The following CDS1 variants were observed in gnomAD, a reference collection of about 807,000 sequenced individuals.
The protein encoded by CDS1 is CDP-diacylglycerol synthase 1.
In CDS1, 41 loss-of-function variants were observed where a neutral mutation model predicts 62.1. That is an observed-to-expected ratio of 0.66 (90% CI 0.51 to 0.86). CDS1 has a LOEUF of 0.86. Among genes scored for constraint, CDS1 ranks in the 40% least tolerant of loss-of-function variants. The pLI is 0.00. For missense variants in CDS1, 470 were observed against 550.1 expected, an observed-to-expected ratio of 0.85 and a Z score of 1.46; for synonymous variants, 185 against 192.6, an observed-to-expected ratio of 0.96 and a Z score of 0.32.
rs753889500 is a variant in CDS1 at position 84,612,654 on chromosome 4, A to T, written c.342+3129A>T. On this transcript the variant is annotated intron_variant, in intron 3 of 12. Transcript: ENST00000295887. ...GGAAAATATGATCTTATTACTAGTT[A>T]TTTGCTTCAATTGGTGAGTTTAATT... Among the ~76,000 whole-genome samples the T allele has an allele frequency of 2.6e-4, 40 of 152,046 alleles. 1 individual carries two copies. Among genetic ancestry groups the T allele is most frequent in the Non-Finnish European group, 2.5e-4 (17 of 68,010 alleles).
At position 84,604,297 on chromosome 4, in the gene CDS1, A is replaced by G. The variant is rs1388235642; in HGVS notation, c.172A>G (p.Ile58Val). Reference sequence around the variant, plus strand: ...TTTGGATTCCAGAACAGATTCTGATATTCCGGAAATTCCACCATCCTCAGA... The same window carrying G: ...TTTGGATTCCAGAACAGATTCTGATGTTCCGGAAATTCCACCATCCTCAGA... ...GDLDSRTDSD[I>V]PEIPPSSDRT... is the part of the protein sequence containing the mutation. The change falls in exon 2 of 13, where the codon ATT (isoleucine) becomes GTT (valine). Residue 58 changes from isoleucine to valine, a missense_variant. Physicochemically the swap from Ile to Val is conservative, Grantham distance 29. Transcript: ENST00000295887. 1.9e-6 allele frequency: 3 copies of G among 1,606,402 alleles called. No individual in the cohort carries two copies. Among genetic ancestry groups the G allele is most frequent in the South Asian group, 2.2e-5 (2 of 90,908 alleles).
chr4:84,645,832 G>A (rs1724541633), intron 12 of CDS1, among the ~76,000 whole-genome samples: 2 of 152,224 alleles, frequency 1.3e-5, no homozygotes, highest in South Asian at 4.1e-4. Context: ...AATAAATATA[G>A]TTTGTTAGAT....
At chr4:84,601,971 A>T (rs916765089) in intron 1 of CDS1, among the ~76,000 whole-genome samples, 2 of 152,178 alleles carry the variant, frequency 1.3e-5, no homozygotes, top group Non-Finnish European at 2.9e-5. Context: ...ACGTACATAC[A>T]TACCTTCATT....
chr4:84,645,672 TC>T (rs1724535360), intron 12 of CDS1, among the ~76,000 whole-genome samples: 1 of 152,146 alleles, frequency 6.6e-6, no homozygotes, highest in African/African-American at 2.4e-5. Context: ...ACGAAATGCA[TC>T]CAGTCTACCA....
chr4:84,626,453 C>T (rs983583414), intron 5 of CDS1, among the ~76,000 whole-genome samples: 2 of 152,096 alleles, frequency 1.3e-5, no homozygotes, highest in Admixed American at 6.6e-5. Flanking sequence ...CACAAATGTA[C>T]TTTTTGTTTG....
intron 5 of CDS1, among the ~76,000 whole-genome samples, chr4:84,628,716 A>G (rs925503832): frequency 1.3e-5 from 2 of 152,154 alleles, no homozygotes; most frequent in African/African-American, 4.8e-5. Flanking sequence ...CTTTTATTTC[A>G]TAGAGACAGG....
Position 84,631,877 on chromosome 4 carries a change from GGTGT to G in CDS1, c.639+3_639+6del. On this transcript the variant is annotated splice_donor_variant and splice_donor_region_variant and intron_variant, in intron 6 of 12. Transcript: ENST00000295887. LOFTEE classifies it high-confidence loss of function. ...AACATTATCGTCTGCAGTTTTATAT[GGTGT>G]GTATTAACTATTATTCCTTAGTCAT... The G allele has an allele frequency of 6.3e-7, 1 of 1,598,374 alleles. No individual in the cohort carries two copies. Among genetic ancestry groups the G allele is most frequent in the Non-Finnish European group, 8.6e-7 (1 of 1,166,134 alleles).
Position 84,636,324 on chromosome 4 carries a change from TGAAAG to T in CDS1, c.810+975_810+979del, listed in dbSNP as rs1347620168. 3.3e-5 allele frequency among the ~76,000 whole-genome samples: 5 copies of T among 152,122 alleles called. No individual in the cohort carries two copies. In the East Asian group the frequency reaches 7.7e-4, roughly 24 times the overall value. ...AATACTAATAAAATACAAGTAATAA[TGAAAG>T]GGAAAGGAAAATACACATGAGTAGA... On this transcript the variant is annotated intron_variant, in intron 8 of 12. Coordinates refer to ENST00000295887, the MANE Select transcript of CDS1 (RefSeq NM_001263.4).
rs1724673273 is a variant in CDS1, at chr4:84,649,676, T to G, written c.*990T>G. 6.6e-6 allele frequency: 1 copy of G among 152,214 alleles called. No individual in the cohort carries two copies. The highest frequency in any genetic ancestry group is 1.5e-5 in the Non-Finnish European group (1 of 68,066). The allele number at this position is 152,214 out of a possible 1,614,324, so 9.4% of individuals were successfully genotyped here. On this transcript the variant is annotated 3_prime_UTR_variant, in exon 13 of 13. Transcript: ENST00000295887. ...CACTCCTGGCTTCTAGTGCAGCCCT[T>G]TGTAGACTCACCTCGCAAGAAGGAA...
At chr4:84,620,474 A>T (rs912924119) in intron 5 of CDS1, among the ~76,000 whole-genome samples, 1 of 151,854 alleles carries the variant, frequency 6.6e-6, no homozygotes, top group East Asian at 2.0e-4. Flanking sequence ...CGCCTGCCTC[A>T]GCCTCCCAAA....
At chr4:84,623,434 G>A (rs1012008034) in intron 5 of CDS1, among the ~76,000 whole-genome samples, 6 of 152,066 alleles carry the variant, frequency 3.9e-5, no homozygotes, top group Non-Finnish European at 7.4e-5. Context: ...GCCTTCCACC[G>A]GGCCCTTTCT....
chr4:84,596,469 C>T (rs1408960071), intron 1 of CDS1, among the ~76,000 whole-genome samples: 3 of 152,126 alleles, frequency 2.0e-5, no homozygotes, highest in Non-Finnish European at 4.4e-5. Flanking sequence ...CCTCTTACTC[C>T]TTGCTCAAAA....
At chr4:84,605,315 G>T (rs996723452) in intron 2 of CDS1, among the ~76,000 whole-genome samples, 11 of 151,944 alleles carry the variant, frequency 7.2e-5, no homozygotes, top group African/African-American at 2.4e-4. Flanking sequence ...ATTTGATGCT[G>T]TTCTATGTTA....
intron 1 of CDS1, among the ~76,000 whole-genome samples, chr4:84,587,475 G>A (rs1430691043): frequency 6.6e-6 from 1 of 152,150 alleles, no homozygotes. Context: ...TTAGGCCTGG[G>A]GAGTGCCAGA....
In CDS1 at chr4:84,649,163, T is replaced by G. The variant is rs1047770491; in HGVS notation, c.*477T>G. ...TTCCTCCTCATGTAGTCTGGAGTAC[T>G]TTCTAAAGGGCTTAGTTGGATTTAA... On this transcript the variant is annotated 3_prime_UTR_variant, in exon 13 of 13. Coordinates refer to ENST00000295887, the MANE Select transcript of CDS1 (RefSeq NM_001263.4). 1 of 152,280 alleles carries G rather than the reference T, an allele frequency of 6.6e-6. No individual in the cohort carries two copies. Among genetic ancestry groups the G allele is most frequent in the Admixed American group, 6.5e-5 (1 of 15,284 alleles). 9.4% of individuals were successfully genotyped at this position (152,280 alleles called of 1,614,324 possible). A position where few individuals can be genotyped will look rare whatever the true frequency, so the allele number is the denominator to read the frequency against.
intron 3 of CDS1, among the ~76,000 whole-genome samples, chr4:84,616,795 C>G (rs1016493152): frequency 6.6e-6 from 1 of 152,162 alleles, no homozygotes; most frequent in African/African-American, 2.4e-5. Flanking sequence ...TTACCTTCAC[C>G]CAGGTTGCTG....
At chr4:84,647,369 T>A (rs1724587272) in intron 12 of CDS1, among the ~76,000 whole-genome samples, 1 of 149,862 alleles carries the variant, frequency 6.7e-6, no homozygotes. Context: ...ATGCTTTCTT[T>A]AAAAAAAAAA....
At chr4:84,644,576 G>T (rs566736337) in intron 11 of CDS1, among the ~76,000 whole-genome samples, 1 of 152,292 alleles carries the variant, frequency 6.6e-6, no homozygotes, top group South Asian at 2.1e-4. Context: ...GTGCCTGAGT[G>T]AACTAGAAGA....
chr4:84,638,985 G>T lies in CDS1; in HGVS notation c.872G>T (p.Gly291Val). 6.5e-7 allele frequency: 1 copy of T among 1,538,406 alleles called. No homozygotes were observed. The highest frequency in any genetic ancestry group is 8.8e-7 in the Non-Finnish European group (1 of 1,130,880). The part of the protein sequence containing the change: ...IGGFFSTVVF[G>V]FIAAYVLSKY... Reference sequence around the variant, plus strand: ...GGTTTCTTTTCCACAGTTGTGTTTGGATTCATTGTGAGTATTACTAAGATT... The same window carrying T: ...GGTTTCTTTTCCACAGTTGTGTTTGTATTCATTGTGAGTATTACTAAGATT... Residue 291 changes from glycine to valine, a missense_variant, in exon 9 of 13, where the codon GGA becomes GTA. This residue lies in a region of CDS1 where 214 missense variants were observed against 242.4 expected (regional missense o/e 0.88). Transcript: ENST00000295887.
Sources: gnomAD v4.1 joint callset for allele counts (sites outside exome capture counted in the v4.1 genomes callset) on GRCh38, gnomAD v4.1.1 for gene constraint, gnomAD v4.1.1 regional missense constraint, MANE v1.5 for transcripts, NCBI Gene and HGNC (gene_info 2026-07-23, HGNC 2026-07-21) for gene names.